Variants in DYNC2I1 observed in about 807,000 individuals in gnomAD.
DYNC2I1 encodes dynein 2 intermediate chain 1, also known as cytoplasmic dynein 2 intermediate chain 1.
In DYNC2I1, 89 loss-of-function variants were observed where a neutral mutation model predicts 133.4. The observed-to-expected ratio is 0.67, with a 90% confidence interval of 0.56 to 0.80. The LOEUF (loss-of-function observed/expected upper bound fraction) is 0.80. Among genes scored for constraint, DYNC2I1 ranks in the 30% least tolerant of loss-of-function variants. DYNC2I1 has a pLI of 0.00. For synonymous variants in DYNC2I1, 504 were observed against 484.3 expected, an observed-to-expected ratio of 1.04 and a Z score of -0.54; for missense variants, 1,291 against 1,314.5, an observed-to-expected ratio of 0.98 and a Z score of 0.28.
chr7:158,862,039 G>A (rs1317059243), intron 1 of DYNC2I1, among the ~76,000 whole-genome samples: 1 of 152,222 alleles, frequency 6.6e-6, no homozygotes, highest in African/African-American at 2.4e-5. Context: ...AAAGGCGGGA[G>A]CCAGCCTTGC....
At chr7:158,892,088 G>A (rs565979123) in intron 8 of DYNC2I1, among the ~76,000 whole-genome samples, 43 of 152,278 alleles carry the variant, frequency 2.8e-4, no homozygotes, top group African/African-American at 8.7e-4. Flanking sequence ...CAGAAGTGAC[G>A]GTGTCTGCTG....
intron 24 of DYNC2I1, among the ~76,000 whole-genome samples, chr7:158,942,939 C>T (rs3793194): frequency 1.3e-5 from 2 of 152,300 alleles, no homozygotes; most frequent in East Asian, 3.9e-4. Context: ...GAAGTGTTCA[C>T]GAAAGCTTTC....
At chr7:158,948,576 G>A (rs1851957776), downstream of DYNC2I1, among the ~76,000 whole-genome samples, 1 of 85,758 alleles carries the variant, frequency 1.2e-5, no homozygotes, top group East Asian at 6.5e-4. Flanking sequence ...CACGGGAGGT[G>A]CTCAGTGAAG....
downstream of DYNC2I1, among the ~76,000 whole-genome samples, chr7:158,947,508 C>G (rs547337075): frequency 6.6e-5 from 10 of 152,336 alleles, no homozygotes; most frequent in African/African-American, 2.4e-4. Context: ...TGTCCTGACT[C>G]CTTTGTAACC....
chr7:158,909,514 C>A (rs943208844), intron 11 of DYNC2I1, among the ~76,000 whole-genome samples: 1 of 151,962 alleles, frequency 6.6e-6, no homozygotes, highest in African/African-American at 2.4e-5. Flanking sequence ...TCCAGTGATA[C>A]GAGAAAAGCA....
In DYNC2I1 at chr7:158,918,893, A is replaced by G. The variant is rs10279428; in HGVS notation, c.1921+24A>G. 258,249 of 1,600,902 alleles carry G rather than the reference A, an allele frequency of 0.16. 22,431 individuals carry two copies. Among genetic ancestry groups the G allele is most frequent in the African/African-American group, 0.24 (17,690 of 74,622 alleles). Reference sequence around the variant, plus strand: ...AAGTAAGAGGCTGTTCTCAAATATGATTTTAAATCCAGTGACTAAACATTC... The same window carrying G: ...AAGTAAGAGGCTGTTCTCAAATATGGTTTTAAATCCAGTGACTAAACATTC... On this transcript the variant is annotated intron_variant, in intron 15 of 24. Transcript: ENST00000407559.
chr7:158,953,334 G>A (rs938452913), intron 4 of DYNC2I1, among the ~76,000 whole-genome samples: 3 of 152,118 alleles, frequency 2.0e-5, no homozygotes, highest in African/African-American at 7.2e-5. Flanking sequence ...TGAATTGAGT[G>A]ACACTGAATT....
chr7:158,936,008 A>G (rs999323460), intron 23 of DYNC2I1, among the ~76,000 whole-genome samples: 25 of 152,160 alleles, frequency 1.6e-4, no homozygotes, highest in Non-Finnish European at 2.9e-5. Context: ...GCTGGCCAAC[A>G]TGGCAAAACT....
At chr7:158,930,679 T>G (rs1850134911) in intron 21 of DYNC2I1, among the ~76,000 whole-genome samples, 164 bp downstream of exon 21, 1 of 152,238 alleles carries the variant, frequency 6.6e-6, no homozygotes, top group African/African-American at 2.4e-5. Context: ...TATTTTTTTA[T>G]TTTTTTGAGA....
intron 6 of DYNC2I1, 130 bp from the exon 7 acceptor site, chr7:158,886,891 G>A (rs549971283): frequency 2.7e-5 from 23 of 839,396 alleles, no homozygotes; most frequent in Middle Eastern, 3.6e-4. Flanking sequence ...GCAAGTCATC[G>A]CTCCTGGTTG....
intron 8 of DYNC2I1, among the ~76,000 whole-genome samples, chr7:158,898,716 A>T (rs1845963061): frequency 6.6e-6 from 1 of 152,124 alleles, no homozygotes; most frequent in Admixed American, 6.5e-5. Context: ...GATATATTGG[A>T]TTAGTATCTG....
chr7:158,885,889 T>C (rs535042502), intron 6 of DYNC2I1, among the ~76,000 whole-genome samples: 64 of 152,220 alleles, frequency 4.2e-4, no homozygotes, highest in African/African-American at 1.4e-3. Context: ...TATATTGATA[T>C]GAATGAAAGT....
the DYNC2I1 span, among the ~76,000 whole-genome samples, chr7:158,848,994 T>C: frequency 6.6e-6 from 1 of 151,892 alleles, no homozygotes; most frequent in East Asian, 1.9e-4. Context: ...CCCACACAAG[T>C]CTTCTGTATT....
chr7:158,886,568 C>T (rs1301370924), intron 6 of DYNC2I1, among the ~76,000 whole-genome samples: 4 of 152,164 alleles, frequency 2.6e-5, no homozygotes, highest in Non-Finnish European at 5.9e-5. Flanking sequence ...ATTTATTGCT[C>T]TAATAAAACA....
chr7:158,930,601 G>A, intron 21 of DYNC2I1, 86 bp downstream of exon 21: 1 of 1,062,284 alleles, frequency 9.4e-7, no homozygotes, highest in Non-Finnish European at 1.4e-6. Context: ...GGTAAATGGT[G>A]AGCTTTTGCG....
intron 4 of DYNC2I1, among the ~76,000 whole-genome samples, chr7:158,956,022 T>C (rs1852188386): frequency 6.6e-6 from 1 of 152,266 alleles, no homozygotes; most frequent in Non-Finnish European, 1.5e-5. Flanking sequence ...ATAGTTGTGC[T>C]TGCCCAATTT....
the DYNC2I1 span, among the ~76,000 whole-genome samples, chr7:158,841,719 T>C: frequency 5.3e-3 from 808 of 152,346 alleles, 6 homozygotes; most frequent in African/African-American, 0.018. Flanking sequence ...TCAGCAAATA[T>C]GGTGGAGCAC....
intron 3 of DYNC2I1, among the ~76,000 whole-genome samples, chr7:158,873,122 AGT>A (rs1291109287): frequency 1.3e-5 from 2 of 152,228 alleles, no homozygotes; most frequent in African/African-American, 4.8e-5. Context: ...ATTTTCTAAA[AGT>A]GTGTTTTATT....
chr7:158,924,890 G>A (rs1849464144), intron 17 of DYNC2I1, among the ~76,000 whole-genome samples: 1 of 152,092 alleles, frequency 6.6e-6, no homozygotes, highest in South Asian at 2.1e-4. Context: ...GAGTATCTGG[G>A]ATTACAGGTG....
Sources: gnomAD v4.1 joint callset for allele counts (sites outside exome capture counted in the v4.1 genomes callset) on GRCh38, gnomAD v4.1.1 for gene constraint, MANE v1.5 for transcripts, NCBI Gene and HGNC (gene_info 2026-07-23, HGNC 2026-07-21) for gene names.